Variants in WNT3 observed in about 807,000 individuals in gnomAD.
WNT3 encodes proto-oncogene Wnt-3.
In WNT3, 7 loss-of-function variants were observed where a neutral mutation model predicts 34.2. The ratio of observed to expected loss-of-function variants is 0.20; its 90% confidence interval spans 0.12 to 0.38. The LOEUF (loss-of-function observed/expected upper bound fraction) is 0.38. Ranked by LOEUF, WNT3 falls within the 10% of genes least tolerant of loss-of-function variation. The pLI is 1.00. For synonymous variants in WNT3, 212 were observed against 211.5 expected (o/e 1.00, Z -0.02); for missense variants, 267 against 499.8 (o/e 0.53, Z 4.44).
At position 46,769,988 on chromosome 17, in the gene WNT3, G is replaced by A. The variant is rs1228917258; in HGVS notation, c.383C>T (p.Thr128Ile). ...IASAGVAFAV[T>I]RSCAEGTSTI... ...GGAGGTGCCCTCGGCGCAGGAGCGGGTGACGGCGAAGGCCACGCCGGCCGA... is the reference window on the plus strand; with the variant it reads ...GGAGGTGCCCTCGGCGCAGGAGCGGATGACGGCGAAGGCCACGCCGGCCGA... Residue 128 changes from threonine to isoleucine, a missense_variant, in exon 3 of 5, where the codon ACC becomes ATC. This residue lies in a region of WNT3 where 181 missense variants were observed against 391.3 expected (regional missense o/e 0.46). Transcript: ENST00000225512. 1 of 1,607,378 alleles carries A rather than the reference G, an allele frequency of 6.2e-7. No homozygotes were observed.
At chr17:46,795,084 A>T (rs2146431659) in intron 1 of WNT3, among the ~76,000 whole-genome samples, 1 of 152,120 alleles carries the variant, frequency 6.6e-6, no homozygotes, top group Admixed American at 6.5e-5. Flanking sequence ...CCTGGTGGGA[A>T]TTCTTACCTG....
At chr17:46,777,524 G>T (rs35196985) in intron 1 of WNT3, among the ~76,000 whole-genome samples, 3 of 152,266 alleles carry the variant, frequency 2.0e-5, no homozygotes, top group African/African-American at 7.2e-5. Context: ...CCAGGAAGAA[G>T]GTGCCACTGA....
chr17:46,790,262 A>G (rs2083965302), intron 1 of WNT3, among the ~76,000 whole-genome samples: 2 of 152,150 alleles, frequency 1.3e-5, no homozygotes, highest in African/African-American at 4.8e-5. Context: ...TAGGAGCCGA[A>G]TCTGGGTTCA....
chr17:46,799,375 A>G (rs1274198216), intron 1 of WNT3, among the ~76,000 whole-genome samples: 1 of 151,546 alleles, frequency 6.6e-6, no homozygotes, highest in Non-Finnish European at 1.5e-5. Context: ...TATTTTTATA[A>G]CCCTGCTACA....
intron 1 of WNT3, among the ~76,000 whole-genome samples, chr17:46,776,962 C>T (rs1192142559): frequency 6.6e-6 from 1 of 152,174 alleles, no homozygotes; most frequent in African/African-American, 2.4e-5. Flanking sequence ...CCTGGGCACC[C>T]TCAAGCTAAA....
chr17:46,805,554 CAA>C (rs2084183898), intron 1 of WNT3, among the ~76,000 whole-genome samples: 1 of 152,164 alleles, frequency 6.6e-6, no homozygotes, highest in African/African-American at 2.4e-5. Context: ...GCCTGGGTGA[CAA>C]GAGTGAAAAC....
At chr17:46,817,975 C>T (rs1487191792) in intron 1 of WNT3, among the ~76,000 whole-genome samples, 1 of 152,012 alleles carries the variant, frequency 6.6e-6, no homozygotes, top group Non-Finnish European at 1.5e-5. Context: ...TGATGAAATC[C>T]CCCCACCCAC....
intron 2 of WNT3, 142 bp downstream of exon 2, chr17:46,773,526 G>T: frequency 1.1e-6 from 1 of 943,682 alleles, no homozygotes; most frequent in Non-Finnish European, 1.6e-6. Flanking sequence ...GGAAGGTGTG[G>T]CAGTCATGCA....
chr17:46,780,967 G>T (rs1162557065), intron 1 of WNT3, among the ~76,000 whole-genome samples: 1 of 152,112 alleles, frequency 6.6e-6, no homozygotes, highest in African/African-American at 2.4e-5. Flanking sequence ...CGGGTGTGGT[G>T]GCGGTAATGC....
chr17:46,815,284 A>T (rs1243274103), intron 1 of WNT3, among the ~76,000 whole-genome samples: 1 of 152,140 alleles, frequency 6.6e-6, no homozygotes, highest in Non-Finnish European at 1.5e-5. Context: ...CGGCTCTGTC[A>T]CTACCTGGAG....
chr17:46,773,711 G>A lies in WNT3; in HGVS notation c.279C>T (p.Thr93=). Residue 93 remains threonine, a synonymous_variant, in exon 2 of 5, where the codon ACC becomes ACT. Coordinates refer to ENST00000225512, the MANE Select transcript of WNT3 (RefSeq NM_030753.5). ...CAAAGATGGCCAGGCTGTCATCTAT[G>A]GTGGTGCAGTTCCAGCGGCGGCCCC... ...QFRGRRWNCT[T]IDDSLAIFGP... The A allele has an allele frequency of 2.5e-6, 4 of 1,608,004 alleles. No individual in the cohort carries two copies. In the South Asian group the frequency reaches 3.3e-5, roughly 13 times the overall value.
At chr17:46,781,087 G>T (rs1199511824) in intron 1 of WNT3, among the ~76,000 whole-genome samples, 1 of 152,028 alleles carries the variant, frequency 6.6e-6, no homozygotes, top group East Asian at 1.9e-4. Context: ...AATTAGCCGG[G>T]CCTGGTGGTG....
intron 2 of WNT3, 33 bp downstream of exon 2, chr17:46,773,626 CCCCACCCAG>C: frequency 2.4e-6 from 1 of 418,048 alleles, no homozygotes; most frequent in Non-Finnish European, 4.8e-6. Flanking sequence ...TGATCCCTCC[CCCCACCCAG>C]CCCCTCCCCC....
At chr17:46,790,683 C>T (rs117188157) in intron 1 of WNT3, among the ~76,000 whole-genome samples, 4,964 of 152,270 alleles carry the variant, frequency 0.033, 119 homozygotes, top group Middle Eastern at 0.11. Flanking sequence ...CCTCCCCCAT[C>T]ATCTCTCTCC....
intron 1 of WNT3, among the ~76,000 whole-genome samples, chr17:46,793,384 T>C (rs1480715719): frequency 6.6e-6 from 1 of 150,506 alleles, no homozygotes; most frequent in Non-Finnish European, 1.5e-5. Flanking sequence ...AGTGCTCAGG[T>C]CCTGCTCTGC....
intron 4 of WNT3, among the ~76,000 whole-genome samples, chr17:46,766,180 G>A (rs1375576507): frequency 1.3e-5 from 2 of 152,134 alleles, no homozygotes; most frequent in African/African-American, 4.8e-5. Context: ...GGGCCAAGAC[G>A]GGTGGATCAC....
At position 46,764,352 on chromosome 17, in the gene WNT3, G is replaced by A. The variant is rs1283930400; in HGVS notation, c.*278C>T. ...TAACATGTGCAAAGATAAGCCTCAG[G>A]TCTGTTCCTATCAGACCCTAGAGAA... On this transcript the variant is annotated 3_prime_UTR_variant, in exon 5 of 5. Coordinates refer to ENST00000225512, the MANE Select transcript of WNT3 (RefSeq NM_030753.5). 6.6e-6 allele frequency: 1 copy of A among 152,494 alleles called. No individual in the cohort carries two copies. The highest frequency in any genetic ancestry group is 1.5e-5 in the Non-Finnish European group (1 of 68,040). The allele number at this position is 152,494 out of a possible 1,614,324, so 9.4% of individuals were successfully genotyped here. A position where few individuals can be genotyped will look rare whatever the true frequency, so the allele number is the denominator to read the frequency against.
rs2059278494 is a variant in WNT3, at chr17:46,762,523, T to A, written c.*2107A>T. ...TGTATCCATTTTAGGTTTGTTTACC[T>A]TCTCTTTAATGACTTAACAGAAAAA... is the stretch of plus-strand genomic sequence containing the variant. On this transcript the variant is annotated 3_prime_UTR_variant, in exon 5 of 5. Coordinates refer to ENST00000225512, the MANE Select transcript of WNT3 (RefSeq NM_030753.5). 2 of 151,908 alleles carry A rather than the reference T, an allele frequency of 1.3e-5. No individual in the cohort carries two copies. The allele number at this position is 151,908 out of a possible 1,614,324, so 9.4% of individuals were successfully genotyped here.
intron 4 of WNT3, among the ~76,000 whole-genome samples, chr17:46,767,029 T>C (rs2059319715): frequency 6.6e-6 from 1 of 152,104 alleles, no homozygotes; most frequent in Non-Finnish European, 1.5e-5. Context: ...CAGGGCCTAA[T>C]TCCAACACCC....
Sources: allele counts gnomAD v4.1 joint callset (sites outside exome capture counted in the v4.1 genomes callset), GRCh38; gene constraint gnomAD v4.1.1; regional missense constraint gnomAD v4.1.1; transcripts MANE v1.5; gene names NCBI Gene and HGNC (gene_info 2026-07-23, HGNC 2026-07-21).